The following AMMECR1 variants were observed in gnomAD, a reference collection of about 807,000 sequenced individuals.
AMMECR1 encodes the protein nuclear protein AMMECR1.
A neutral mutation model predicts 22.5 loss-of-function variants in AMMECR1; 3 were observed. The ratio of observed to expected loss-of-function variants is 0.13; its 90% confidence interval spans 0.06 to 0.35. AMMECR1 has a LOEUF of 0.35. Ranked by LOEUF, AMMECR1 falls within the 10% of genes least tolerant of loss-of-function variation. AMMECR1 has a pLI of 1.00. For missense variants in AMMECR1, 235 were observed against 278.7 expected (o/e 0.84, Z 1.12); for synonymous variants, 130 against 116.7 (o/e 1.11, Z -0.74).
At chrX:110,402,589 A>G (rs1368136817) in intron 2 of AMMECR1, among the ~76,000 whole-genome samples, 1 of 112,519 alleles carries the variant, frequency 8.9e-6, no homozygotes, top group Admixed American at 9.3e-5. Context: ...GTGTGTTGCA[A>G]CAGATGTGTG....
intron 2 of AMMECR1, among the ~76,000 whole-genome samples, chrX:110,366,356 T>C (rs916198729): frequency 3.6e-5 from 4 of 111,549 alleles, no homozygotes; most frequent in Non-Finnish European, 7.5e-5. Context: ...GTAATGTGAA[T>C]CTCCAAAAAC....
chrX:110,396,213 G>A (rs1380572159), intron 2 of AMMECR1, among the ~76,000 whole-genome samples: 1 of 110,420 alleles, frequency 9.1e-6, no homozygotes, highest in African/African-American at 3.3e-5. Flanking sequence ...TAAAATACAT[G>A]CTTGAAAAAA....
chrX:110,359,569 A>G lies in AMMECR1; in HGVS notation c.-147-41720T>C, dbSNP rs2068249273. On this transcript the variant is annotated intron_variant, in intron 2 of 7. Coordinates refer to the AMMECR1 transcript ENST00000372057. ...AGTGCACTAGAATCCAGATTCTCTG[A>G]TTCTGAATCTAATGTTCTTGTCCAT... Among the ~76,000 whole-genome samples, 2 of 111,767 alleles carry G rather than the reference A, an allele frequency of 1.8e-5. 1 individual carries two copies. The highest frequency in any genetic ancestry group is 3.8e-5 in the Non-Finnish European group (2 of 53,131).
At chrX:110,307,313 CA>C (rs1180333346) in intron 1 of AMMECR1, 36 of 104,922 alleles carry the variant, frequency 3.4e-4, no homozygotes, top group Non-Finnish European at 6.1e-4. Flanking sequence ...AACTGATAAA[CA>C]AAAAATGGCT....
chrX:110,247,015 C>A (rs952385550), intron 2 of AMMECR1, among the ~76,000 whole-genome samples: 2 of 111,830 alleles, frequency 1.8e-5, no homozygotes, highest in Non-Finnish European at 3.8e-5. Flanking sequence ...TGGCTTATGA[C>A]AAAAATGACA....
rs1338608484 is a variant in AMMECR1, at chrX:110,202,483, G to A, written c.753C>T (p.Arg251=). ...IEFINEKGSK[R]TATYLPEVAK... is the part of the protein sequence containing the mutation. Reference sequence around the variant, plus strand: ...CAACCTCCGGTAGGTAGGTGGCGGTGCGTTTTGATCCTTTTTCATTGATGA... The same window carrying A: ...CAACCTCCGGTAGGTAGGTGGCGGTACGTTTTGATCCTTTTTCATTGATGA... The change falls in exon 4 of 6, where the codon CGC becomes CGT. Residue 251 remains arginine (R), a synonymous_variant. Coordinates refer to ENST00000262844, the MANE Select transcript of AMMECR1 (RefSeq NM_015365.3). 8.3e-7 allele frequency: 1 copy of A among 1,209,448 alleles called. No individual in the cohort carries two copies. Among genetic ancestry groups the A allele is most frequent in the Middle Eastern group, 2.3e-4 (1 of 4,346 alleles).
chrX:110,426,002 G>A (rs781340196), intron 2 of AMMECR1, among the ~76,000 whole-genome samples: 1,348 of 107,505 alleles, frequency 0.013, 30 homozygotes, highest in African/African-American at 0.044. Flanking sequence ...ACACACAAAC[G>A]CACACACACA....
At chrX:110,224,589 C>T (rs1423033605) in intron 2 of AMMECR1, among the ~76,000 whole-genome samples, 1 of 111,215 alleles carries the variant, frequency 9.0e-6, no homozygotes, top group Non-Finnish European at 1.9e-5. Context: ...ACATCTTCAT[C>T]AAGAGTTTCC....
intron 3 of AMMECR1, among the ~76,000 whole-genome samples, chrX:110,204,931 A>G (rs1293726095): frequency 8.9e-6 from 1 of 111,930 alleles, no homozygotes; most frequent in African/African-American, 3.2e-5. Flanking sequence ...ACAACTTTTA[A>G]TTCTTTTCTG....
intron 2 of AMMECR1, among the ~76,000 whole-genome samples, chrX:110,330,724 C>G (rs2068117425): frequency 9.0e-6 from 1 of 111,659 alleles, no homozygotes; most frequent in Admixed American, 9.5e-5. Flanking sequence ...CCATCTTCCA[C>G]TAACTTGTCT....
intron 2 of AMMECR1, among the ~76,000 whole-genome samples, chrX:110,249,653 G>A (rs1410829879): frequency 8.9e-6 from 1 of 112,040 alleles, no homozygotes; most frequent in Admixed American, 9.5e-5. Context: ...TGTAATCCCA[G>A]CACTTTGGGA....
chrX:110,399,840 TA>T (rs2148295291), intron 2 of AMMECR1, among the ~76,000 whole-genome samples: 1 of 111,984 alleles, frequency 8.9e-6, no homozygotes, highest in African/African-American at 3.2e-5. Flanking sequence ...CGAAGATAAT[TA>T]AAAAATGTTC....
chrX:110,322,681 T>C (rs190455526), upstream of AMMECR1, among the ~76,000 whole-genome samples: 1 of 111,774 alleles, frequency 8.9e-6, no homozygotes, highest in African/African-American at 3.2e-5. Context: ...ACAAACTCAC[T>C]CATGGCACCG....
intron 2 of AMMECR1, among the ~76,000 whole-genome samples, chrX:110,230,606 A>C (rs1414508769): frequency 8.9e-6 from 1 of 112,128 alleles, no homozygotes; most frequent in African/African-American, 3.2e-5. Flanking sequence ...AATTCTAAAA[A>C]TGAGAGCACC....
At chrX:110,237,943 G>GGTCT (rs758970978) in intron 2 of AMMECR1, among the ~76,000 whole-genome samples, 12 of 112,031 alleles carry the variant, frequency 1.1e-4, no homozygotes, top group African/African-American at 3.2e-4. Flanking sequence ...GGAAAAGAAG[G>GGTCT]GTCTGCTAAG....
chrX:110,213,125 G>T (rs1035002213), intron 3 of AMMECR1, among the ~76,000 whole-genome samples: 2 of 111,550 alleles, frequency 1.8e-5, no homozygotes, highest in African/African-American at 6.5e-5. Context: ...CATAAAATTT[G>T]CCATTTTAAC....
chrX:110,369,696 T>G (rs749248173), intron 2 of AMMECR1, among the ~76,000 whole-genome samples: 1 of 112,221 alleles, frequency 8.9e-6, no homozygotes, highest in East Asian at 2.8e-4. Flanking sequence ...TATTGTGAAT[T>G]TTTTAGAGAT....
intron 2 of AMMECR1, among the ~76,000 whole-genome samples, chrX:110,402,598 T>C (rs2068572672): frequency 8.9e-6 from 1 of 112,386 alleles, no homozygotes; most frequent in African/African-American, 3.2e-5. Flanking sequence ...AACAGATGTG[T>C]GCTTTGGAAT....
rs139188597 is a variant in AMMECR1, at chrX:110,431,837, A to C, written c.-293-5034T>G. On this transcript the variant is annotated intron_variant, in intron 1 of 7. Transcript: ENST00000372057. ...CACATTAGGTTTGAGGAGCAGGGGA[A>C]ACATTCAGGCAGCTGGCAAGGTCTG... 3.2e-3 allele frequency among the ~76,000 whole-genome samples: 362 copies of C among 112,025 alleles called. 5 individuals are homozygous for C. The highest frequency in any genetic ancestry group is 0.011 in the African/African-American group (346 of 30,814).
Sources: gnomAD v4.1 joint callset for allele counts (sites outside exome capture counted in the v4.1 genomes callset) on GRCh38, gnomAD v4.1.1 for gene constraint, MANE v1.5 for transcripts, NCBI Gene and HGNC (gene_info 2026-07-23, HGNC 2026-07-21) for gene names.